TTC14: variants seen among roughly 807,000 people sequenced by gnomAD.
The protein encoded by TTC14 is tetratricopeptide repeat protein 14.
In TTC14, 63 loss-of-function variants were observed where a neutral mutation model predicts 79.9. The observed-to-expected ratio is 0.79, with a 90% CI of 0.64 to 0.97. The LOEUF is 0.97. Ranked by LOEUF, TTC14 falls within the 50% of genes least tolerant of loss-of-function variation. The probability of loss-of-function intolerance (pLI) is 0.00; values close to 1 mark genes in which losing one functional copy is unlikely to be tolerated. For synonymous variants in TTC14, 335 were observed against 309.6 expected (o/e 1.08, Z -0.86); for missense variants, 895 against 894.0 (o/e 1.00, Z -0.01).
At chr3:180,602,518 C>T (rs545167830) in intron 1 of TTC14, 96 bp downstream of exon 1, 47 of 1,440,702 alleles carry the variant, frequency 3.3e-5, no homozygotes, top group Non-Finnish European at 3.9e-5. Flanking sequence ...GGAAGTGGAG[C>T]CGCGGCCGTG....
At chr3:180,604,392 G>T in intron 4 of TTC14, 83 bp downstream of exon 4, 1 of 1,544,468 alleles carries the variant, frequency 6.5e-7, no homozygotes, top group Admixed American at 1.9e-5. Flanking sequence ...CAGTCTAAGA[G>T]GGTAGTGTTT....
chr3:180,604,963 A>G lies in TTC14; in HGVS notation c.813A>G (p.Gly271=). The G allele has an allele frequency of 1.2e-6, 2 of 1,614,068 alleles. No individual in the cohort carries two copies. Among genetic ancestry groups the G allele is most frequent in the Non-Finnish European group, 1.7e-6 (2 of 1,179,986 alleles). Residue 271 remains glycine (G), a synonymous_variant, in exon 6 of 12, where the codon GGA becomes GGG. Transcript: ENST00000296015. ...TTGAATTCCTTCTAGAAAAACTAGGAATAGATGAATCTAATCCACCATCTT... is the reference window on the plus strand; with the variant it reads ...TTGAATTCCTTCTAGAAAAACTAGGGATAGATGAATCTAATCCACCATCTT... ...GVVEFLLEKL[G]IDESNPPSLM... is the part of the protein sequence containing the mutation.
At position 180,610,559 on chromosome 3, in the gene TTC14, G is replaced by T. The variant is rs1436175746; in HGVS notation, c.*17G>T. 3.9e-6 allele frequency: 6 copies of T among 1,540,130 alleles called. No homozygotes were observed. The highest frequency in any genetic ancestry group is 5.2e-6 in the Non-Finnish European group (6 of 1,151,542). ...AAAAATTAATACACCAAGGATATCG[G>T]CACCATTACACAAAATGCCATTAAG... On this transcript the variant is annotated 3_prime_UTR_variant, in exon 12 of 12. Transcript: ENST00000296015.
Position 180,604,605 on chromosome 3 carries a change from C to T in TTC14, c.699C>T (p.Tyr233=). The change falls in exon 5 of 12, where the codon TAC becomes TAT. Residue 233 remains tyrosine (Y), a splice_region_variant and synonymous_variant. Transcript: ENST00000296015. ...GCTCTGAAGAGCTTCCTTTATACTA[C>T]AGGTAATTTATCCGTATTATTTCAA... is the stretch of plus-strand genomic sequence containing the variant. ...VISSEELPLY[Y]RRSVELNSNS... 6.3e-7 allele frequency: 1 copy of T among 1,595,050 alleles called. No individual in the cohort carries two copies.
chr3:180,610,257 A>G lies in TTC14; in HGVS notation c.2028A>G (p.Glu676=). 3 of 1,614,044 alleles carry G rather than the reference A, an allele frequency of 1.9e-6. No homozygotes were observed. Among genetic ancestry groups the G allele is most frequent in the Non-Finnish European group, 2.5e-6 (3 of 1,179,942 alleles). Residue 676 remains glutamate, a synonymous_variant, in exon 12 of 12, where the codon GAA becomes GAG. Transcript: ENST00000296015. ...VRHSTSPASS[E]YSWKSVEKYK... Reference sequence around the variant, plus strand: ...ATTCTACCTCACCAGCAAGCTCAGAATACTCTTGGAAGTCAGTTGAGAAAT... The same window carrying G: ...ATTCTACCTCACCAGCAAGCTCAGAGTACTCTTGGAAGTCAGTTGAGAAAT...
At position 180,610,838 on chromosome 3, in the gene TTC14, G is replaced by A. The variant is rs1716963717; in HGVS notation, c.*296G>A. ...GAAAGTACTGTTTCTTCATTCTATT[G>A]CGGTATATGAGAATTCCTGGGTGCA... On this transcript the variant is annotated 3_prime_UTR_variant, in exon 12 of 12. Coordinates refer to ENST00000296015, the MANE Select transcript of TTC14 (RefSeq NM_133462.4). 2 of 1,004,550 alleles carry A rather than the reference G, an allele frequency of 2.0e-6. No individual in the cohort carries two copies. Among genetic ancestry groups the A allele is most frequent in the Non-Finnish European group, 1.2e-6 (1 of 842,292 alleles). The allele number at this position is 1,004,550 out of a possible 1,614,324, so 62.2% of individuals were successfully genotyped here.
Position 180,603,100 on chromosome 3 carries a change from ATTTTGTTAAT to A in TTC14, c.287-19_287-10del. The A allele has an allele frequency of 6.2e-7, 1 of 1,610,350 alleles. No homozygotes were observed. Among genetic ancestry groups the A allele is most frequent in the Non-Finnish European group, 8.5e-7 (1 of 1,178,786 alleles). ...ACGGAACTCAAAACTATCGTTAGTG[ATTTTGTTAAT>A]TTTTTTTTTTTAGATCATTATGCAA... On this transcript the variant is annotated splice_polypyrimidine_tract_variant and intron_variant, in intron 2 of 11. Coordinates refer to ENST00000296015, the MANE Select transcript of TTC14 (RefSeq NM_133462.4).
chr3:180,608,403 T>G (rs1230851639), intron 10 of TTC14: 53 of 993,176 alleles, frequency 5.3e-5, no homozygotes, highest in Non-Finnish European at 6.3e-5. Flanking sequence ...ACTTTTTTTT[T>G]TTTTTTAACC....
At chr3:180,611,231 C>T (rs1234682645), downstream of TTC14, 1 of 902,408 alleles carries the variant, frequency 1.1e-6, no homozygotes, top group African/African-American at 1.8e-5. Flanking sequence ...TCATTGCTAG[C>T]ATAGCCATAA....
At chr3:180,615,314 T>C (rs957511919), downstream of TTC14, among the ~76,000 whole-genome samples, 4 of 152,148 alleles carry the variant, frequency 2.6e-5, no homozygotes, top group African/African-American at 9.6e-5. Flanking sequence ...AGTATGTTCC[T>C]ACATGGTAAA....
chr3:180,615,181 C>A, downstream of TTC14: 4 of 757,934 alleles, frequency 5.3e-6, no homozygotes, highest in Non-Finnish European at 8.2e-6. Context: ...GTAAAGACAT[C>A]AAAAAAGTAC....
chr3:180,610,279 A>C lies in TTC14; in HGVS notation c.2050A>C (p.Lys684Gln), dbSNP rs1480041048. The C allele has an allele frequency of 1.9e-6, 3 of 1,613,766 alleles. No individual in the cohort carries two copies. Among genetic ancestry groups the C allele is most frequent in the Middle Eastern group, 1.7e-4 (1 of 6,058 alleles). Residue 684 changes from lysine to glutamine, a missense_variant, in exon 12 of 12, where the codon AAA (lysine) becomes CAA (glutamine). By Grantham distance (53) the Lys-to-Gln change is moderately conservative (BLOSUM62 1). Coordinates refer to ENST00000296015, the MANE Select transcript of TTC14 (RefSeq NM_133462.4). ...SSEYSWKSVE[K>Q]YKKYAHSGSR... ...AGAATACTCTTGGAAGTCAGTTGAG[A>C]AATACAAAAAATACGCTCACTCTGG...
downstream of TTC14, chr3:180,615,045 T>C: frequency 6.4e-7 from 1 of 1,552,862 alleles, no homozygotes; most frequent in Non-Finnish European, 8.7e-7. Context: ...AATTGAAGAC[T>C]GAGAAGTAGA....
At position 180,605,542 on chromosome 3, in the gene TTC14, A is replaced by G. The variant is rs574350597; in HGVS notation, c.858-224A>G. ...GTGATCCACCCGCCTCGACCTCCCA[A>G]AGTGTTGGGATTACAGGCGTGAGCC... On this transcript the variant is annotated intron_variant, in intron 6 of 11. Coordinates refer to ENST00000296015, the MANE Select transcript of TTC14 (RefSeq NM_133462.4). 1.2e-3 allele frequency: 462 copies of G among 378,060 alleles called. 2 individuals carry two copies. The highest frequency in any genetic ancestry group is 3.8e-3 in the South Asian group (124 of 32,998). The allele number at this position is 378,060 out of a possible 1,614,324, so 23.4% of individuals were successfully genotyped here.
rs748476314 is a variant in TTC14, at chr3:180,616,907, T to C, written c.1775-473T>C. 1.0e-5 allele frequency: 16 copies of C among 1,560,222 alleles called. No individual in the cohort carries two copies. In the South Asian group the frequency reaches 1.3e-4, roughly 12 times the overall value. ...GAAATGAATAAGCCTGCTTCTCTGA[T>C]AACTTTTCTTTAACATTATTTGCCA... On this transcript the variant is annotated intron_variant, in intron 12 of 12. Coordinates refer to the TTC14 transcript ENST00000382584.
At position 180,609,617 on chromosome 3, in the gene TTC14, CTG is replaced by C. The variant is rs1455650000; in HGVS notation, c.1401-11_1401-10del. 6.5e-7 allele frequency: 1 copy of C among 1,529,018 alleles called. No homozygotes were observed. Among genetic ancestry groups the C allele is most frequent in the East Asian group, 2.3e-5 (1 of 44,218 alleles). The allele number at this position is 1,529,018 out of a possible 1,614,324, so 94.7% of individuals were successfully genotyped here. On this transcript the variant is annotated splice_polypyrimidine_tract_variant and intron_variant, in intron 11 of 11. Coordinates refer to ENST00000296015, the MANE Select transcript of TTC14 (RefSeq NM_133462.4). Reference sequence around the variant, plus strand: ...TTTTTGTATATATATGACAAATGAACTGTTTTTTTTAGGCTAAAGAAGAAAAG... The same window carrying C: ...TTTTTGTATATATATGACAAATGAACTTTTTTTTAGGCTAAAGAAGAAAAG...
intron 10 of TTC14, chr3:180,608,468 G>T: frequency 5.7e-6 from 6 of 1,048,368 alleles, no homozygotes; most frequent in Non-Finnish European, 5.7e-6. Context: ...TTTTTTTATG[G>T]GATACCAACT....
intron 11 of TTC14, 122 bp from the exon 12 acceptor site, chr3:180,609,508 G>GTATCATT (rs1716870959): frequency 7.5e-7 from 1 of 1,335,028 alleles, no homozygotes; most frequent in Non-Finnish European, 9.6e-7. Context: ...CGAGATTATT[G>GTATCATT]TATCATTTAT....
At chr3:180,609,582 T>G in intron 11 of TTC14, 48 bp from the exon 12 acceptor site, 1 of 1,449,100 alleles carries the variant, frequency 6.9e-7, no homozygotes, top group Non-Finnish European at 9.1e-7. Flanking sequence ...TTATGAATAA[T>G]TTAGAAACAT....
Sources: allele counts gnomAD v4.1 joint callset (sites outside exome capture counted in the v4.1 genomes callset), GRCh38; gene constraint gnomAD v4.1.1; transcripts MANE v1.5; gene names NCBI Gene and HGNC (gene_info 2026-07-23, HGNC 2026-07-21).